Variants in GRIP1 observed in about 807,000 individuals in gnomAD.
GRIP1 encodes the protein glutamate receptor interacting protein 1, also known as glutamate receptor-interacting protein 1.
Under a neutral mutation model 129.9 loss-of-function variants are expected in GRIP1, and 45 were observed. The ratio of observed to expected loss-of-function variants is 0.35; its 90% confidence interval spans 0.27 to 0.44. GRIP1 has a LOEUF of 0.44. GRIP1 is among the 20% of genes least tolerant of loss of function. The pLI, the probability that GRIP1 is intolerant of heterozygous loss-of-function variation, is 1.00. For missense variants in GRIP1, 1,196 were observed against 1,396.8 expected, an observed-to-expected ratio of 0.86 and a Z score of 2.29; for synonymous variants, 530 against 520.8, an observed-to-expected ratio of 1.02 and a Z score of -0.24.
intron 7 of GRIP1, among the ~76,000 whole-genome samples, chr12:66,488,251 GA>G (rs2060009766): frequency 6.6e-6 from 1 of 151,990 alleles, no homozygotes; most frequent in South Asian, 2.1e-4. Context: ...TCAGCAAATG[GA>G]AAATAACTGA....
intron 1 of GRIP1, among the ~76,000 whole-genome samples, chr12:66,788,616 T>C (rs1308444217): frequency 6.6e-6 from 1 of 152,134 alleles, no homozygotes; most frequent in Non-Finnish European, 1.5e-5. Context: ...GGCCCACCTA[T>C]TCTAAGAGTG....
intron 1 of GRIP1, among the ~76,000 whole-genome samples, chr12:67,057,351 G>A (rs138791174): frequency 6.0e-5 from 9 of 149,946 alleles, no homozygotes; most frequent in African/African-American, 2.2e-4. Context: ...TGAGCACACA[G>A]CAAGAAGACA....
chr12:66,405,255 TATA>T (rs2057150141), intron 16 of GRIP1, among the ~76,000 whole-genome samples: 2 of 151,176 alleles, frequency 1.3e-5, no homozygotes, highest in African/African-American at 2.5e-5. Context: ...GACTTGTAAG[TATA>T]ATCAGCAGAA....
At chr12:66,734,228 G>A (rs1044610572) in intron 1 of GRIP1, among the ~76,000 whole-genome samples, 1 of 152,130 alleles carries the variant, frequency 6.6e-6, no homozygotes, top group Non-Finnish European at 1.5e-5. Flanking sequence ...ATTTTCCAGA[G>A]AATAATAAAA....
chr12:66,694,602 GATT>G lies in GRIP1; in HGVS notation c.-419-64269_-419-64267del, dbSNP rs546025809. 4.3e-3 allele frequency among the ~76,000 whole-genome samples: 656 copies of G among 152,186 alleles called. 2 individuals are homozygous for G. Among genetic ancestry groups the G allele is most frequent in the Non-Finnish European group, 6.6e-3 (448 of 68,008 alleles). Reference sequence around the variant, plus strand: ...AGATAATAAAAATATCTAGTGTGAGGATTATGTTACATTATTAGTAAAGTATTT... The same window carrying G: ...AGATAATAAAAATATCTAGTGTGAGGATGTTACATTATTAGTAAAGTATTT... On this transcript the variant is annotated intron_variant, in intron 1 of 4. Transcript: ENST00000538373.
At chr12:66,794,458 G>C (rs993515550) in intron 1 of GRIP1, among the ~76,000 whole-genome samples, 5 of 152,160 alleles carry the variant, frequency 3.3e-5, no homozygotes, top group African/African-American at 1.2e-4. Context: ...ATACACAGGG[G>C]CTCCAGGGCT....
chr12:66,781,283 G>C (rs925492373), intron 1 of GRIP1, among the ~76,000 whole-genome samples: 3 of 152,106 alleles, frequency 2.0e-5, no homozygotes, highest in Non-Finnish European at 4.4e-5. Context: ...GGCATCTCTT[G>C]CTAGAAAATG....
At chr12:66,543,198 A>G (rs773525500) in intron 2 of GRIP1, among the ~76,000 whole-genome samples, 2 of 152,278 alleles carry the variant, frequency 1.3e-5, no homozygotes, top group South Asian at 2.1e-4. Context: ...TTATTTCCTC[A>G]GCAGCCTAGA....
chr12:66,791,734 C>T (rs2038542886), intron 1 of GRIP1, among the ~76,000 whole-genome samples: 1 of 152,136 alleles, frequency 6.6e-6, no homozygotes, highest in African/African-American at 2.4e-5. Flanking sequence ...TTTAGTTACA[C>T]AGCTGAGTTG....
chr12:66,863,730 T>C (rs931745687), intron 1 of GRIP1, among the ~76,000 whole-genome samples: 20 of 152,140 alleles, frequency 1.3e-4, no homozygotes, highest in African/African-American at 4.8e-4. Context: ...GTGTTCCTCA[T>C]ACGCCCTGTG....
At chr12:66,550,687 G>A (rs1408695005) in intron 2 of GRIP1, among the ~76,000 whole-genome samples, 4 of 152,276 alleles carry the variant, frequency 2.6e-5, no homozygotes, top group South Asian at 2.1e-4. Context: ...TTTATAATTC[G>A]TGTGTATGTT....
intron 7 of GRIP1, among the ~76,000 whole-genome samples, chr12:66,476,361 G>C (rs2059612146): frequency 6.6e-6 from 1 of 152,156 alleles, no homozygotes; most frequent in African/African-American, 2.4e-5. Context: ...CTCTGAAATT[G>C]AAGCAATAAT....
chr12:66,888,158 T>C (rs1037195508), intron 1 of GRIP1, among the ~76,000 whole-genome samples: 1 of 151,980 alleles, frequency 6.6e-6, no homozygotes, highest in Non-Finnish European at 1.5e-5. Context: ...GGGGCTCAAG[T>C]GATCCTCCCA....
chr12:66,388,492 C>T (rs2056453574), intron 19 of GRIP1, among the ~76,000 whole-genome samples: 2 of 152,146 alleles, frequency 1.3e-5, no homozygotes, highest in South Asian at 4.1e-4. Context: ...CTTGTATTGA[C>T]CTTTGCTAAA....
rs189438534 is a variant in GRIP1, at chr12:66,432,560, T to G, written c.1756A>C (p.Ile586Leu). ...AACTTCTACTTACAACTTATGGTTA[T>G]TCCAAGTTCCACATTGTGCTTCTTA... Reference protein sequence around the residue: ...LPKKHNVELGITISSPSSRKP... With the variant: ...LPKKHNVELGLTISSPSSRKP... Residue 586 changes from isoleucine (I) to leucine (L), a missense_variant, in exon 14 of 25, where the codon ATA (isoleucine) becomes CTA (leucine). Physicochemically the swap from Ile to Leu is conservative, Grantham distance 5. Transcript: ENST00000359742. 2.2e-3 allele frequency: 3,465 copies of G among 1,584,386 alleles called. 5 individuals are homozygous for G. Among genetic ancestry groups the G allele is most frequent in the Non-Finnish European group, 2.8e-3 (3,188 of 1,154,096 alleles).
intron 1 of GRIP1, among the ~76,000 whole-genome samples, chr12:66,643,196 A>T (rs1209626155): frequency 2.0e-5 from 3 of 152,226 alleles, no homozygotes; most frequent in Non-Finnish European, 4.4e-5. Context: ...AGACAGTTTA[A>T]CAAAAGGAAC....
intron 1 of GRIP1, among the ~76,000 whole-genome samples, chr12:66,675,957 A>G (rs1411414640): frequency 3.3e-5 from 5 of 152,198 alleles, no homozygotes; most frequent in East Asian, 1.9e-4. Context: ...AAATGACTCA[A>G]TTCCCAAGTC....
At chr12:66,523,090 G>C (rs2061081046) in intron 5 of GRIP1, among the ~76,000 whole-genome samples, 1 of 151,796 alleles carries the variant, frequency 6.6e-6, no homozygotes, top group Admixed American at 6.6e-5. Context: ...ATGGAATCAA[G>C]TGGGAAAACA....
chr12:66,465,499 AT>A, intron 7 of GRIP1, 77 bp from the exon 8 acceptor site: 1 of 1,254,356 alleles, frequency 8.0e-7, no homozygotes, highest in South Asian at 1.2e-5. Context: ...GATGAAGAAT[AT>A]TCAGTTTGGT....
Sources: allele counts gnomAD v4.1 joint callset (sites outside exome capture counted in the v4.1 genomes callset), GRCh38; gene constraint gnomAD v4.1.1; transcripts MANE v1.5; gene names NCBI Gene and HGNC (gene_info 2026-07-23, HGNC 2026-07-21).